Variants in NTM observed in about 807,000 individuals in gnomAD.
The protein encoded by NTM is IgLON family member 2.
In NTM, 13 loss-of-function variants were observed where a neutral mutation model predicts 42.1. The ratio of observed to expected loss-of-function variants is 0.31; its 90% CI spans 0.20 to 0.49. The LOEUF is 0.49. Among genes scored for constraint, NTM ranks in the 20% least tolerant of loss-of-function variants. The pLI is 0.99. For synonymous variants in NTM, 187 were observed against 179.2 expected (o/e 1.04, Z -0.35); for missense variants, 373 against 452.8 (o/e 0.82, Z 1.60).
intron 2 of NTM, among the ~76,000 whole-genome samples, chr11:132,048,818 CTTTTT>C (rs10563617): frequency 5.4e-4 from 72 of 133,000 alleles, no homozygotes; most frequent in African/African-American, 1.8e-3. Context: ...TTTCTTTTTT[CTTTTT>C]TTTTTTTTTT....
At position 131,513,841 on chromosome 11, in the gene NTM, C is replaced by T. The variant is rs987906456; in HGVS notation, c.82+142953C>T. On this transcript the variant is annotated intron_variant, in intron 1 of 8. Transcript: ENST00000683400. ...GATTCATAAAGGTAGTGCAAGGCCC[C>T]GAGGTTAAGTTTTATCTTAATTATG... is the stretch of plus-strand genomic sequence containing the variant. Among the ~76,000 whole-genome samples the T allele has an allele frequency of 3.3e-5, 5 of 152,048 alleles. No individual in the cohort carries two copies. In the East Asian group the frequency reaches 7.7e-4, roughly 24 times the overall value.
intron 1 of NTM, among the ~76,000 whole-genome samples, chr11:131,498,999 T>G (rs2136347389): frequency 6.6e-6 from 1 of 152,218 alleles, no homozygotes; most frequent in East Asian, 1.9e-4. Flanking sequence ...CAGCATCACT[T>G]GGCCAAGCAT....
chr11:131,613,809 C>T (rs1049788995), intron 1 of NTM, among the ~76,000 whole-genome samples: 4 of 152,054 alleles, frequency 2.6e-5, no homozygotes, highest in African/African-American at 9.7e-5. Context: ...CCTTTTTATG[C>T]CCCACTCTCC....
At chr11:131,638,870 A>T (rs2064775278) in intron 1 of NTM, among the ~76,000 whole-genome samples, 1 of 152,184 alleles carries the variant, frequency 6.6e-6, no homozygotes, top group Admixed American at 6.5e-5. Flanking sequence ...ATATGAAAAA[A>T]AAAAAGTTTA....
chr11:131,985,254 T>C (rs1001045083), intron 2 of NTM, among the ~76,000 whole-genome samples: 2 of 152,194 alleles, frequency 1.3e-5, no homozygotes, highest in Non-Finnish European at 2.9e-5. Flanking sequence ...AGGGACAGTT[T>C]TACCAAACAT....
rs577797899 is a variant in NTM at position 131,973,677 on chromosome 11, TGTG to T, written c.167+62036_167+62038del. On this transcript the variant is annotated intron_variant, in intron 2 of 8. Transcript: ENST00000683400. ...ACTAAAAATACAAAAATTAGCCAGATGTGGTGGTGAGCGCCCGTAATCCCAGCT... is the reference window on the plus strand; with the variant it reads ...ACTAAAAATACAAAAATTAGCCAGATGTGGTGAGCGCCCGTAATCCCAGCT... Among the ~76,000 whole-genome samples the T allele has an allele frequency of 2.1e-3, 318 of 152,102 alleles. 1 individual carries two copies. The highest frequency in any genetic ancestry group is 2.8e-3 in the Non-Finnish European group (187 of 67,984).
chr11:132,116,415 A>C (rs193129193), intron 2 of NTM, among the ~76,000 whole-genome samples: 4 of 152,300 alleles, frequency 2.6e-5, no homozygotes, highest in African/African-American at 9.6e-5. Flanking sequence ...GACAGTGCTG[A>C]AGCCAGAGGG....
chr11:131,997,806 G>A (rs537007408), intron 2 of NTM, among the ~76,000 whole-genome samples: 6 of 152,290 alleles, frequency 3.9e-5, no homozygotes, highest in African/African-American at 1.4e-4. Context: ...CCCAGACCCT[G>A]TTAGCTATGA....
At chr11:131,985,456 A>G (rs559152740) in intron 2 of NTM, among the ~76,000 whole-genome samples, 3 of 152,312 alleles carry the variant, frequency 2.0e-5, no homozygotes, top group African/African-American at 4.8e-5. Flanking sequence ...TCTGTGGAGT[A>G]ACAACAGCTC....
At chr11:131,407,055 T>C (rs1201680770) in intron 1 of NTM, among the ~76,000 whole-genome samples, 1 of 152,236 alleles carries the variant, frequency 6.6e-6, no homozygotes, top group African/African-American at 2.4e-5. Flanking sequence ...GTTTTAAATA[T>C]TGAAGACGCA....
intron 1 of NTM, chr11:131,911,051 C>A (rs775371873): frequency 2.0e-5 from 21 of 1,056,454 alleles, no homozygotes; most frequent in Non-Finnish European, 2.3e-5. Context: ...GGACTGCAGA[C>A]CGCCTCTGGG....
chr11:132,172,597 G>T (rs2076264346), intron 3 of NTM, among the ~76,000 whole-genome samples: 1 of 152,152 alleles, frequency 6.6e-6, no homozygotes, highest in African/African-American at 2.4e-5. Context: ...TTATTGGAAA[G>T]GCTCGCCATG....
At position 132,230,465 on chromosome 11, in the gene NTM, C is replaced by T. The variant is rs189938382; in HGVS notation, c.526+18318C>T. Among the ~76,000 whole-genome samples the T allele has an allele frequency of 1.5e-3, 230 of 152,230 alleles. 3 individuals carry two copies. The South Asian group carries it at 0.031, about 20-fold the overall frequency. ...CACCCAGCCTCCTGGATGTGTCTGG[C>T]GGCATCAGCAGCTGTCTTTTCTGCA... is the stretch of plus-strand genomic sequence containing the variant. On this transcript the variant is annotated intron_variant, in intron 4 of 8. Transcript: ENST00000683400.
At chr11:131,756,421 G>A (rs975861179) in intron 1 of NTM, among the ~76,000 whole-genome samples, 7 of 152,016 alleles carry the variant, frequency 4.6e-5, no homozygotes, top group African/African-American at 1.7e-4. Context: ...TTGTCTGGGA[G>A]GCTGAGGCAG....
chr11:132,295,012 C>T (rs1477373990), intron 4 of NTM, among the ~76,000 whole-genome samples: 1 of 151,980 alleles, frequency 6.6e-6, no homozygotes, highest in Admixed American at 6.6e-5. Context: ...AATTCCAGGC[C>T]TAGCTTGATG....
intron 1 of NTM, among the ~76,000 whole-genome samples, chr11:131,621,066 C>A (rs1228117570): frequency 6.6e-6 from 1 of 152,172 alleles, no homozygotes; most frequent in East Asian, 1.9e-4. Flanking sequence ...AATGATGTAG[C>A]ATGTGAGAGC....
intron 1 of NTM, among the ~76,000 whole-genome samples, chr11:131,680,287 G>A (rs1193909326): frequency 1.3e-5 from 2 of 152,138 alleles, no homozygotes; most frequent in Non-Finnish European, 2.9e-5. Context: ...AGAGAAACAT[G>A]GGAATACCTA....
chr11:131,879,414 A>G (rs762864379), intron 1 of NTM, among the ~76,000 whole-genome samples: 1 of 152,190 alleles, frequency 6.6e-6, no homozygotes, highest in Non-Finnish European at 1.5e-5. Context: ...GAAACAACAT[A>G]AAAACATTGA....
intron 1 of NTM, among the ~76,000 whole-genome samples, chr11:131,440,077 T>A (rs1022007020): frequency 1.3e-5 from 2 of 152,036 alleles, no homozygotes; most frequent in Admixed American, 1.3e-4. Context: ...GGCAGTTTTT[T>A]AAAAAGATGT....
Sources: gnomAD v4.1 joint callset for allele counts (sites outside exome capture counted in the v4.1 genomes callset) on GRCh38, gnomAD v4.1.1 for gene constraint, MANE v1.5 for transcripts, NCBI Gene and HGNC (gene_info 2026-07-23, HGNC 2026-07-21) for gene names.